DAB1: variants seen among roughly 807,000 people sequenced by gnomAD.
The protein encoded by DAB1 is DAB adaptor protein 1.
Under a neutral mutation model 64.6 loss-of-function variants are expected in DAB1, and 15 were observed. The ratio of observed to expected loss-of-function variants is 0.23; its 90% CI spans 0.16 to 0.36. DAB1 has a LOEUF of 0.36. DAB1 is among the 10% of genes least tolerant of loss of function. DAB1 has a pLI of 1.00. For synonymous variants in DAB1, 235 were observed against 251.9 expected, an observed-to-expected ratio of 0.93 and a Z score of 0.64; for missense variants, 596 against 706.7, an observed-to-expected ratio of 0.84 and a Z score of 1.78.
chr1:57,075,631 T>A (rs905753460), intron 4 of DAB1, among the ~76,000 whole-genome samples: 1 of 152,244 alleles, frequency 6.6e-6, no homozygotes, highest in South Asian at 2.1e-4. Flanking sequence ...TCTTGTTCAC[T>A]GAGCCTCAAG....
At chr1:57,494,733 G>A (rs981123105) in intron 7 of DAB1, among the ~76,000 whole-genome samples, 19 of 152,134 alleles carry the variant, frequency 1.2e-4, no homozygotes, top group Non-Finnish European at 1.8e-4. Context: ...CTGGTTTCTC[G>A]TCTCAATATA....
chr1:57,967,137 C>T (rs556830063), intron 5 of DAB1, among the ~76,000 whole-genome samples: 1 of 152,268 alleles, frequency 6.6e-6, no homozygotes, highest in Admixed American at 6.5e-5. Context: ...TGCAGAGATG[C>T]AGATTGTAGG....
At chr1:58,070,565 T>G (rs777513595) in intron 5 of DAB1, among the ~76,000 whole-genome samples, 1 of 152,176 alleles carries the variant, frequency 6.6e-6, no homozygotes, top group Non-Finnish European at 1.5e-5. Context: ...GGAACTGTGT[T>G]CTAGAAATAT....
chr1:57,376,674 G>T (rs1322096442), intron 1 of DAB1, among the ~76,000 whole-genome samples: 2 of 152,164 alleles, frequency 1.3e-5, no homozygotes, highest in African/African-American at 4.8e-5. Flanking sequence ...TTAGAAAAGT[G>T]CCTGTCACAC....
chr1:57,902,916 G>C lies in DAB1; in HGVS notation n.388-18754C>G, dbSNP rs537818486. On this transcript the variant is annotated intron_variant and non_coding_transcript_variant, in intron 5 of 20. Transcript: ENST00000485760. ...GCTAATAAAGACATACCCGAGACTG[G>C]GTCATTTATAAAGGAAAGAGGTTTA... Among the ~76,000 whole-genome samples the C allele has an allele frequency of 3.3e-5, 5 of 152,246 alleles. No homozygotes were observed. In the East Asian group the frequency reaches 7.7e-4, roughly 23 times the overall value.
intron 1 of DAB1, among the ~76,000 whole-genome samples, chr1:58,537,372 A>C (rs1252168538): frequency 6.6e-6 from 1 of 152,208 alleles, no homozygotes; most frequent in Non-Finnish European, 1.5e-5. Context: ...GTACAAGGGA[A>C]ACTGCCTCAG....
intron 6 of DAB1, among the ~76,000 whole-genome samples, chr1:57,806,815 T>C (rs1386456982): frequency 3.9e-5 from 6 of 152,210 alleles, no homozygotes; most frequent in Admixed American, 3.9e-4. Context: ...CATTCCCTAA[T>C]ACGTCCCACT....
chr1:57,610,788 T>A (rs763290926), intron 7 of DAB1, among the ~76,000 whole-genome samples: 2 of 152,172 alleles, frequency 1.3e-5, no homozygotes, highest in African/African-American at 4.8e-5. Context: ...ACCACCCCCA[T>A]GATCAATTCA....
intron 1 of DAB1, among the ~76,000 whole-genome samples, chr1:57,843,461 T>C (rs1221698233): frequency 6.6e-6 from 1 of 152,172 alleles, no homozygotes; most frequent in East Asian, 1.9e-4. Context: ...CTCAAGGGGT[T>C]ACCATGAGAC....
At chr1:58,196,702 C>T (rs2100248687) in intron 4 of DAB1, among the ~76,000 whole-genome samples, 1 of 152,186 alleles carries the variant, frequency 6.6e-6, no homozygotes, top group Admixed American at 6.5e-5. Flanking sequence ...GGAGAGAGCC[C>T]AGGGAAAACT....
chr1:57,400,831 C>T (rs1683182942), intron 1 of DAB1, among the ~76,000 whole-genome samples: 2 of 152,006 alleles, frequency 1.3e-5, no homozygotes, highest in Admixed American at 1.3e-4. Flanking sequence ...CCGTCTCAGG[C>T]ACTGACGTTG....
chr1:58,275,473 TCAA>T (rs1413763993), intron 4 of DAB1, among the ~76,000 whole-genome samples: 1 of 152,006 alleles, frequency 6.6e-6, no homozygotes, highest in South Asian at 2.1e-4. Flanking sequence ...CTCCTGCAAC[TCAA>T]CAACAAAAAA....
At chr1:57,185,927 T>G (rs1663509316) in intron 2 of DAB1, among the ~76,000 whole-genome samples, 1 of 152,046 alleles carries the variant, frequency 6.6e-6, no homozygotes, top group African/African-American at 2.4e-5. Flanking sequence ...CCGTGGACAA[T>G]TTTTAAACTC....
At chr1:58,329,932 T>C (rs576906182) in intron 4 of DAB1, among the ~76,000 whole-genome samples, 3 of 152,282 alleles carry the variant, frequency 2.0e-5, no homozygotes, top group African/African-American at 4.8e-5. Context: ...ATTAGGCCAA[T>C]TAATAACCTT....
chr1:58,543,386 T>G (rs888389441), intron 1 of DAB1, among the ~76,000 whole-genome samples: 3 of 152,216 alleles, frequency 2.0e-5, no homozygotes, highest in African/African-American at 7.2e-5. Flanking sequence ...TACTGGATTA[T>G]CTCTACAGCA....
intron 14 of DAB1, among the ~76,000 whole-genome samples, chr1:57,000,723 A>T (rs75616607): frequency 6.6e-6 from 1 of 152,204 alleles, no homozygotes; most frequent in Non-Finnish European, 1.5e-5. Flanking sequence ...ACGCATATTA[A>T]TGTTTCCTGG....
chr1:57,761,398 T>C (rs1417940986), intron 6 of DAB1, among the ~76,000 whole-genome samples: 1 of 152,218 alleles, frequency 6.6e-6, no homozygotes, highest in African/African-American at 2.4e-5. Flanking sequence ...CAACTATTGG[T>C]GGCATGCAGA....
At chr1:58,285,163 T>A (rs975363187) in intron 4 of DAB1, among the ~76,000 whole-genome samples, 2 of 152,170 alleles carry the variant, frequency 1.3e-5, no homozygotes, top group Admixed American at 1.3e-4. Context: ...CTCAAAATAG[T>A]AAGAGCCATT....
intron 7 of DAB1, among the ~76,000 whole-genome samples, chr1:57,553,763 T>G (rs1476256236): frequency 1.3e-5 from 2 of 152,078 alleles, no homozygotes; most frequent in Non-Finnish European, 2.9e-5. Context: ...CAGGGTCAAA[T>G]GCAGCAGCAA....
Sources: allele counts gnomAD v4.1 joint callset (sites outside exome capture counted in the v4.1 genomes callset), GRCh38; gene constraint gnomAD v4.1.1; transcripts MANE v1.5; gene names NCBI Gene and HGNC (gene_info 2026-07-23, HGNC 2026-07-21).